Variants in SESN1 observed in about 807,000 individuals in gnomAD.
SESN1 encodes the protein sestrin 1.
Under a neutral mutation model 59.3 loss-of-function variants are expected in SESN1, and 30 were observed. That is an observed-to-expected ratio of 0.51 (90% CI 0.38 to 0.69). The LOEUF (loss-of-function observed/expected upper bound fraction) is 0.69, where lower values mean the gene tolerates loss of function less well. SESN1 is among the 30% of genes least tolerant of loss of function. The probability of loss-of-function intolerance (pLI) is 0.00; values close to 1 mark genes in which losing one functional copy is unlikely to be tolerated. For synonymous variants in SESN1, 197 were observed against 219.9 expected (o/e 0.90, Z 0.92); for missense variants, 566 against 673.0 (o/e 0.84, Z 1.76).
At chr6:109,067,933 C>A (rs1035966497) in intron 1 of SESN1, among the ~76,000 whole-genome samples, 11 of 152,156 alleles carry the variant, frequency 7.2e-5, no homozygotes, top group Non-Finnish European at 1.5e-4. Flanking sequence ...TAGAGAGGCA[C>A]TAACAAATTG....
rs529186718 is a variant in SESN1, at chr6:109,089,785, ATATC to A, written c.279+4006_279+4009del. On this transcript the variant is annotated intron_variant, in intron 1 of 9. Coordinates refer to ENST00000436639, the MANE Select transcript of SESN1 (RefSeq NM_014454.3). ...ATATCCTGTGGTTTCTAACTCCTTG[ATATC>A]TATCAGACCCATTTTAATTTTTTCC... 5.3e-5 allele frequency among the ~76,000 whole-genome samples: 8 copies of A among 152,298 alleles called. No homozygotes were observed. The South Asian group carries it at 6.2e-4, about 12-fold the overall frequency.
In SESN1 at chr6:108,984,337, TCA is replaced by T. The variant is rs150405082; in HGVS notation, c.*3205_*3206del. ...TTTATAGATAACAGAAATTTATTGCTCACAGTTTTGGAGGCTGGGAAGTCCGA... is the reference window on the plus strand; with the variant it reads ...TTTATAGATAACAGAAATTTATTGCTCAGTTTTGGAGGCTGGGAAGTCCGA... On this transcript the variant is annotated 3_prime_UTR_variant, in exon 10 of 10. Transcript: ENST00000436639. Among the ~76,000 whole-genome samples, 1,551 of 152,298 alleles carry T rather than the reference TCA, an allele frequency of 0.01. 33 individuals are homozygous for T. The highest frequency in any genetic ancestry group is 0.035 in the African/African-American group (1,449 of 41,560).
At chr6:109,055,776 A>G (rs1780622312) in intron 1 of SESN1, among the ~76,000 whole-genome samples, 1 of 152,142 alleles carries the variant, frequency 6.6e-6, no homozygotes, top group Non-Finnish European at 1.5e-5. Context: ...TAAGTAAAAT[A>G]GTGCCTAACA....
intron 6 of SESN1, chr6:108,993,142 A>C: frequency 2.5e-6 from 1 of 393,252 alleles, no homozygotes; most frequent in Non-Finnish European, 4.5e-6. Context: ...TGCCTCTTTC[A>C]TAGATCCTTT....
At chr6:109,073,267 T>C (rs1780969689) in intron 1 of SESN1, among the ~76,000 whole-genome samples, 1 of 152,210 alleles carries the variant, frequency 6.6e-6, no homozygotes, top group Non-Finnish European at 1.5e-5. Context: ...GATTTTTATC[T>C]ATTTTTCCCT....
At chr6:109,087,123 A>C (rs540837769) in intron 1 of SESN1, among the ~76,000 whole-genome samples, 1 of 152,210 alleles carries the variant, frequency 6.6e-6, no homozygotes, top group Admixed American at 6.5e-5. Context: ...AGAGCAAGAC[A>C]GCATCTCAAA....
At chr6:109,062,935 A>G (rs918746336) in intron 1 of SESN1, among the ~76,000 whole-genome samples, 8 of 152,208 alleles carry the variant, frequency 5.3e-5, no homozygotes, top group Non-Finnish European at 1.2e-4. Context: ...AGTGAAAGTG[A>G]GGAAAGTGAA....
At chr6:109,019,638 AT>A (rs1437356771) in intron 1 of SESN1, among the ~76,000 whole-genome samples, 2 of 152,222 alleles carry the variant, frequency 1.3e-5, no homozygotes, top group Non-Finnish European at 2.9e-5. Context: ...AATAGTCTTT[AT>A]CCTAAATCAT....
At position 108,984,320 on chromosome 6, in the gene SESN1, T is replaced by A. The variant is rs1779123523; in HGVS notation, c.*3224A>T. On this transcript the variant is annotated 3_prime_UTR_variant, in exon 10 of 10. Coordinates refer to ENST00000436639, the MANE Select transcript of SESN1 (RefSeq NM_014454.3). ...TACCTTAGACTGGGTAATTTATAGATAACAGAAATTTATTGCTCACAGTTT... is the reference window on the plus strand; with the variant it reads ...TACCTTAGACTGGGTAATTTATAGAAAACAGAAATTTATTGCTCACAGTTT... Among the ~76,000 whole-genome samples, 1 of 152,118 alleles carries A rather than the reference T, an allele frequency of 6.6e-6. No homozygotes were observed. Among genetic ancestry groups the A allele is most frequent in the African/African-American group, 2.4e-5 (1 of 41,382 alleles).
At chr6:108,995,846 C>T (rs887018491) in intron 5 of SESN1, among the ~76,000 whole-genome samples, 3 of 152,114 alleles carry the variant, frequency 2.0e-5, no homozygotes, top group African/African-American at 7.2e-5. Context: ...TAATGTTTCC[C>T]CCCTTATAAA....
At chr6:109,034,410 T>C (rs1780224002) in intron 1 of SESN1, among the ~76,000 whole-genome samples, 1 of 152,224 alleles carries the variant, frequency 6.6e-6, no homozygotes, top group Non-Finnish European at 1.5e-5. Context: ...GAATCTATAT[T>C]TTAAATACAA....
At chr6:109,042,039 A>G (rs913269191) in intron 1 of SESN1, among the ~76,000 whole-genome samples, 3 of 152,130 alleles carry the variant, frequency 2.0e-5, no homozygotes, top group Non-Finnish European at 4.4e-5. Flanking sequence ...AGTAAATAAT[A>G]GAAAGATAAT....
chr6:109,036,719 C>G (rs916521906), intron 1 of SESN1, among the ~76,000 whole-genome samples: 4 of 152,144 alleles, frequency 2.6e-5, no homozygotes, highest in African/African-American at 7.2e-5. Flanking sequence ...AAGCTAAATA[C>G]CTGGAGGAAG....
At position 109,012,098 on chromosome 6, in the gene SESN1, C is replaced by T. The variant is rs186046808; in HGVS notation, c.280-9755G>A. On this transcript the variant is annotated intron_variant, in intron 1 of 9. Coordinates refer to ENST00000436639, the MANE Select transcript of SESN1 (RefSeq NM_014454.3). ...CTAGGGCTGAGCACATACAGGCATGCGATAAACATCTGCTGAAAAGATGAA... is the reference window on the plus strand; with the variant it reads ...CTAGGGCTGAGCACATACAGGCATGTGATAAACATCTGCTGAAAAGATGAA... Among the ~76,000 whole-genome samples the T allele has an allele frequency of 1.1e-4, 17 of 152,244 alleles. No individual in the cohort carries two copies. The East Asian group carries it at 1.9e-3, about 17-fold the overall frequency.
At chr6:108,990,222 G>A (rs1020459410) in intron 8 of SESN1, among the ~76,000 whole-genome samples, 5 of 151,944 alleles carry the variant, frequency 3.3e-5, no homozygotes, top group Non-Finnish European at 5.9e-5. Context: ...CGTATTATGA[G>A]AGCAAGTACT....
intron 1 of SESN1, among the ~76,000 whole-genome samples, chr6:109,024,805 CG>C (rs1357331297): frequency 1.3e-5 from 2 of 152,184 alleles, no homozygotes; most frequent in African/African-American, 4.8e-5. Context: ...TTGTGAGTAT[CG>C]TACTACTTTC....
intron 1 of SESN1, among the ~76,000 whole-genome samples, chr6:109,008,341 T>C (rs1779777908): frequency 6.6e-6 from 1 of 152,242 alleles, no homozygotes; most frequent in Non-Finnish European, 1.5e-5. Context: ...CTGTTTTCAC[T>C]TTTTGGTAAA....
intron 1 of SESN1, among the ~76,000 whole-genome samples, chr6:109,047,332 C>T (rs77246921): frequency 1.1e-4 from 14 of 124,362 alleles, no homozygotes; most frequent in East Asian, 5.1e-4. Flanking sequence ...CCGCCCCGTC[C>T]GGGAGGGAGG....
intron 1 of SESN1, among the ~76,000 whole-genome samples, chr6:109,049,848 G>C (rs1207671784): frequency 6.6e-6 from 1 of 151,860 alleles, no homozygotes; most frequent in African/African-American, 2.4e-5. Flanking sequence ...TCTCAAGAAA[G>C]TTGCATCATG....
Sources: gnomAD v4.1 joint callset for allele counts (sites outside exome capture counted in the v4.1 genomes callset) on GRCh38, gnomAD v4.1.1 for gene constraint, MANE v1.5 for transcripts, NCBI Gene and HGNC (gene_info 2026-07-23, HGNC 2026-07-21) for gene names.